Variants in CRAMP1 observed in about 807,000 individuals in gnomAD.
CRAMP1 encodes protein cramped-like.
Under a neutral mutation model 115.4 loss-of-function variants are expected in CRAMP1, and 50 were observed. That is an observed-to-expected ratio of 0.43 (90% CI 0.35 to 0.55). CRAMP1 has a LOEUF of 0.55. Ranked by LOEUF, CRAMP1 falls within the 20% of genes least tolerant of loss-of-function variation. The pLI, the probability that CRAMP1 is intolerant of heterozygous loss-of-function variation, is 0.01. For missense variants in CRAMP1, 1,679 were observed against 1,721.7 expected (o/e 0.98, Z 0.44); for synonymous variants, 866 against 745.4 (o/e 1.16, Z -2.64).
intron 6 of CRAMP1, among the ~76,000 whole-genome samples, chr16:1,645,153 C>T (rs1033375140): frequency 6.6e-6 from 1 of 151,956 alleles, no homozygotes; most frequent in Non-Finnish European, 1.5e-5. Flanking sequence ...CTGCCCCACA[C>T]GATTTCCCCC....
rs1447407257 is a variant in CRAMP1, at chr16:1,671,612, G to A, written c.3645+803G>A. ...GAACTCCAGGTCCAGGAGATCATCCGCATGGGCTTAGCCCATGTGAAAGTC... is the reference window on the plus strand; with the variant it reads ...GAACTCCAGGTCCAGGAGATCATCCACATGGGCTTAGCCCATGTGAAAGTC... On this transcript the variant is annotated intron_variant, in intron 20 of 20. Coordinates refer to ENST00000397412, the MANE Select transcript of CRAMP1 (RefSeq NM_020825.4). The surrounding 1 kb of genome is among the most constrained non-coding windows in gnomAD (Gnocchi z 5.0). Among the ~76,000 whole-genome samples the A allele has an allele frequency of 6.6e-6, 1 of 152,168 alleles. No homozygotes were observed. The highest frequency in any genetic ancestry group is 2.4e-5 in the African/African-American group (1 of 41,436).
intron 3 of CRAMP1, among the ~76,000 whole-genome samples, chr16:1,628,884 G>A (rs1431483102): frequency 1.3e-5 from 2 of 152,216 alleles, no homozygotes; most frequent in African/African-American, 4.8e-5. Context: ...CTGCTCCTCA[G>A]GCGAGAGTGC....
At chr16:1,663,362 T>C (rs889586214) in intron 13 of CRAMP1, among the ~76,000 whole-genome samples, 2 of 152,212 alleles carry the variant, frequency 1.3e-5, no homozygotes, top group African/African-American at 2.4e-5. Flanking sequence ...ATGTGTGTTA[T>C]TTTGGATTCA....
In CRAMP1 at chr16:1,614,880, C is replaced by A; in HGVS notation, c.241C>A (p.His81Asn). The A allele has an allele frequency of 7.5e-7, 1 of 1,331,850 alleles. No individual in the cohort carries two copies. Among genetic ancestry groups the A allele is most frequent in the Non-Finnish European group, 9.6e-7 (1 of 1,039,320 alleles). 82.5% of individuals were successfully genotyped at this position (1,331,850 alleles called of 1,614,324 possible). Residue 81 changes from histidine (H) to asparagine (N), a missense_variant, in exon 2 of 21, where the codon CAC becomes AAC. By Grantham distance (68) the His-to-Asn change is moderately conservative. Around this residue, in one of 8 missense-constraint regions of CRAMP1, gnomAD observed 264 missense variants for 229.7 expected, o/e 1.15. Transcript: ENST00000397412. The surrounding 1 kb of genome is among the most constrained non-coding windows in gnomAD (Gnocchi z 4.4). ...GCAGGGCAGCCCCCAGGACCAGCAC[C>A]ACTTCCTCCGGTCCAGCGTGCGGCC... ...PPQGSPQDQH[H>N]FLRSSVRPQS...
Position 1,614,715 on chromosome 16 carries a change from G to A in CRAMP1, c.76G>A (p.Glu26Lys). ...GCTGGGCAAGCGGGCGGCCGATGAG[G>A]AGTCCCTGGAAGGAGAAGGGGCCGG... ...KKLGKRAADE[E>K]SLEGEGAGGA... Residue 26 changes from glutamate to lysine, a missense_variant, in exon 2 of 21, where the codon GAG (glutamate) becomes AAG (lysine). Physicochemically the swap from Glu to Lys is moderately conservative, Grantham distance 56 (BLOSUM62 1). Coordinates refer to ENST00000397412, the MANE Select transcript of CRAMP1 (RefSeq NM_020825.4). This position sits in a 1 kb window ranked among gnomAD's most constrained non-coding sequence, Gnocchi z 4.4. 4.4e-6 allele frequency: 6 copies of A among 1,350,908 alleles called. No homozygotes were observed. The highest frequency in any genetic ancestry group is 5.8e-6 in the Non-Finnish European group (6 of 1,041,480). The allele number at this position is 1,350,908 out of a possible 1,614,324, so 83.7% of individuals were successfully genotyped here. A position where few individuals can be genotyped will look rare whatever the true frequency, so the allele number is the denominator to read the frequency against.
chr16:1,666,028 TGGCG>T lies in CRAMP1; in HGVS notation c.2753-37_2753-34del. ...GCGGCCACATCCTGCTGTGAGGGCA[TGGCG>T]GGCGGGCTCGACATGTCTGCTTTTG... On this transcript the variant is annotated intron_variant, in intron 14 of 20. Transcript: ENST00000397412. This position sits in a 1 kb window ranked among gnomAD's most constrained non-coding sequence, Gnocchi z 5.0. 2 of 1,330,476 alleles carry T rather than the reference TGGCG, an allele frequency of 1.5e-6. No homozygotes were observed. Among genetic ancestry groups the T allele is most frequent in the Non-Finnish European group, 2.1e-6 (2 of 945,984 alleles). 82.4% of individuals were successfully genotyped at this position (1,330,476 alleles called of 1,614,324 possible). A position where few individuals can be genotyped will look rare whatever the true frequency, so the allele number is the denominator to read the frequency against.
intron 4 of CRAMP1, among the ~76,000 whole-genome samples, chr16:1,633,758 C>T (rs543053621): frequency 7.2e-5 from 11 of 152,272 alleles, no homozygotes; most frequent in South Asian, 2.1e-4. Context: ...TCCTTTGCAT[C>T]GTTCATTAGT....
In CRAMP1 at chr16:1,656,747, G is replaced by A. The variant is rs1044934815; in HGVS notation, c.1990G>A (p.Val664Ile). ...GCCTGCCGCCAGGCCCCCGAAGGAG[G>A]TCCCCGCCAGCCGGCTGGCTCAGCA... ...GQPAARPPKE[V>I]PASRLAQQLR... Residue 664 changes from valine (V) to isoleucine (I), a missense_variant, in exon 10 of 21, where the codon GTC becomes ATC. By Grantham distance (29) the Val-to-Ile change is conservative. Coordinates refer to ENST00000397412, the MANE Select transcript of CRAMP1 (RefSeq NM_020825.4). The surrounding 1 kb of genome is among the most constrained non-coding windows in gnomAD (Gnocchi z 5.6). The A allele has an allele frequency of 1.3e-6, 2 of 1,548,974 alleles. No homozygotes were observed. The highest frequency in any genetic ancestry group is 1.7e-6 in the Non-Finnish European group (2 of 1,145,986).
rs1008145140 is a variant in CRAMP1, at chr16:1,617,776, T to G, written c.346+2791T>G. On this transcript the variant is annotated intron_variant, in intron 2 of 20. Coordinates refer to ENST00000397412, the MANE Select transcript of CRAMP1 (RefSeq NM_020825.4). ...CTTTCTCTGAAGAAGACACTCTTAT[T>G]GACTTCAATGAAAAATGCTTTTTTT... 1.3e-5 allele frequency among the ~76,000 whole-genome samples: 2 copies of G among 152,244 alleles called. 1 individual carries two copies. Among genetic ancestry groups the G allele is most frequent in the South Asian group, 4.1e-4 (2 of 4,836 alleles).
chr16:1,619,256 C>A (rs1321981305), intron 2 of CRAMP1, among the ~76,000 whole-genome samples: 1 of 152,238 alleles, frequency 6.6e-6, no homozygotes, highest in East Asian at 1.9e-4. Context: ...TCTCAACTCA[C>A]TGCAATCTCC....
In CRAMP1 at chr16:1,668,091, A is replaced by G. The variant is rs1289205136; in HGVS notation, c.3232A>G (p.Ile1078Val). ...SPPDVSALLD[I>V]SLPGPPEDAL... Reference sequence around the variant, plus strand: ...ACCAGACGTCTCTGCTCTGCTCGACATCTCCCTGCCCGGCCCACCTGAGGA... The same window carrying G: ...ACCAGACGTCTCTGCTCTGCTCGACGTCTCCCTGCCCGGCCCACCTGAGGA... The change falls in exon 18 of 21, where the codon ATC (isoleucine) becomes GTC (valine). Residue 1078 changes from isoleucine to valine, a missense_variant. Ile to Val is a conservative substitution (Grantham distance 29). Transcript: ENST00000397412. 3 of 1,613,614 alleles carry G rather than the reference A, an allele frequency of 1.9e-6. No homozygotes were observed. The highest frequency in any genetic ancestry group is 2.2e-5 in the South Asian group (2 of 91,082).
intron 2 of CRAMP1, among the ~76,000 whole-genome samples, chr16:1,625,181 G>C (rs368533391): frequency 7.9e-5 from 12 of 152,062 alleles, no homozygotes; most frequent in African/African-American, 2.4e-4. Flanking sequence ...TGGGTGGGAG[G>C]AATGTGTTAG....
chr16:1,667,602 C>T (rs1248743396), intron 17 of CRAMP1, among the ~76,000 whole-genome samples: 34 of 152,208 alleles, frequency 2.2e-4, no homozygotes, highest in Admixed American at 2.2e-3. Context: ...TTCCCTCCTC[C>T]CCTCTCCAAG....
chr16:1,664,835 G>A (rs2036860238), intron 13 of CRAMP1, among the ~76,000 whole-genome samples: 1 of 152,040 alleles, frequency 6.6e-6, no homozygotes, highest in Admixed American at 6.5e-5. Flanking sequence ...CCTGGGGAGG[G>A]TTTGATTACC....
In CRAMP1 at chr16:1,671,571, T is replaced by C. The variant is rs1169749343; in HGVS notation, c.3645+762T>C. ...GGTGTGTGGGCAGTCGGGTGAGGGC[T>C]CTATGGACAGGGAGGGAACTCCAGG... is the stretch of plus-strand genomic sequence containing the variant. On this transcript the variant is annotated intron_variant, in intron 20 of 20. Transcript: ENST00000397412. This position sits in a 1 kb window ranked among gnomAD's most constrained non-coding sequence, Gnocchi z 5.0. Among the ~76,000 whole-genome samples the C allele has an allele frequency of 1.3e-5, 2 of 152,102 alleles. No homozygotes were observed. Among genetic ancestry groups the C allele is most frequent in the African/African-American group, 4.8e-5 (2 of 41,410 alleles).
chr16:1,615,944 T>C (rs2036415237), intron 2 of CRAMP1, among the ~76,000 whole-genome samples: 1 of 152,232 alleles, frequency 6.6e-6, no homozygotes, highest in Non-Finnish European at 1.5e-5. Flanking sequence ...CAAGGAAATA[T>C]ATTACGAACT....
chr16:1,612,715 G>T (rs1354474634), intron 1 of CRAMP1, among the ~76,000 whole-genome samples, 58 bp downstream of exon 1: 3 of 152,068 alleles, frequency 2.0e-5, no homozygotes, highest in African/African-American at 7.2e-5. Flanking sequence ...GGGTCCTGTC[G>T]GGCGGCGCGG....
At chr16:1,619,129 G>A (rs1250978192) in intron 2 of CRAMP1, among the ~76,000 whole-genome samples, 2 of 152,176 alleles carry the variant, frequency 1.3e-5, no homozygotes, top group African/African-American at 2.4e-5. Context: ...TGTATAAAGT[G>A]GTGTGTAGAA....
intron 5 of CRAMP1, among the ~76,000 whole-genome samples, chr16:1,638,951 C>G (rs150175917): frequency 6.6e-6 from 1 of 152,036 alleles, no homozygotes; most frequent in South Asian, 2.1e-4. Context: ...CTTACCTCCT[C>G]CAGCCTGCCT....
Sources: allele counts gnomAD v4.1 joint callset (sites outside exome capture counted in the v4.1 genomes callset), GRCh38; gene constraint gnomAD v4.1.1; regional missense constraint gnomAD v4.1.1; non-coding constraint Gnocchi (gnomAD v3.1); transcripts MANE v1.5; gene names NCBI Gene and HGNC (gene_info 2026-07-23, HGNC 2026-07-21).